The following ASS1 variants were observed in gnomAD, a reference collection of about 807,000 sequenced individuals.
ASS1 encodes argininosuccinate synthase 1.
ASS1 carries 58 observed loss-of-function variants against 60.5 expected under a neutral mutation model. The observed-to-expected ratio is 0.96, with a 90% CI of 0.78 to 1.19. The LOEUF (loss-of-function observed/expected upper bound fraction) is 1.19, where lower values mean the gene tolerates loss of function less well. ASS1 is among the 50% of genes most tolerant of loss of function. The pLI, the probability that ASS1 is intolerant of heterozygous loss-of-function variation, is 0.00. For synonymous variants in ASS1, 200 were observed against 206.9 expected, an observed-to-expected ratio of 0.97 and a Z score of 0.29; for missense variants, 454 against 547.3, an observed-to-expected ratio of 0.83 and a Z score of 1.70.
intron 9 of ASS1, among the ~76,000 whole-genome samples, chr9:130,479,436 C>T (rs1023964519): frequency 8.2e-4 from 125 of 152,240 alleles, no homozygotes; most frequent in African/African-American, 2.9e-3. Flanking sequence ...GGGCCTGGTT[C>T]CAATTTCACA....
intron 1 of ASS1, among the ~76,000 whole-genome samples, chr9:130,451,119 A>T (rs968319075): frequency 6.6e-6 from 1 of 152,162 alleles, no homozygotes. Context: ...CACAGGAGGC[A>T]TGTGGGGGAG....
At chr9:130,480,940 C>T (rs979815998) in intron 11 of ASS1, among the ~76,000 whole-genome samples, 5 of 152,256 alleles carry the variant, frequency 3.3e-5, no homozygotes, top group African/African-American at 7.2e-5. Flanking sequence ...GCACGGCTCA[C>T]TGGCCCTTTT....
At chr9:130,495,434 C>T (rs1263890258) in intron 13 of ASS1, among the ~76,000 whole-genome samples, 1 of 146,374 alleles carries the variant, frequency 6.8e-6, no homozygotes, top group Admixed American at 7.2e-5. Context: ...TATATATACA[C>T]ACACACATAC....
chr9:130,475,245 T>C (rs546509696), intron 8 of ASS1, among the ~76,000 whole-genome samples: 2 of 152,332 alleles, frequency 1.3e-5, no homozygotes, highest in Non-Finnish European at 2.9e-5. Context: ...GCCGAGCATG[T>C]ACCCCCAGAG....
At chr9:130,468,888 T>G (rs1175321940) in intron 6 of ASS1, among the ~76,000 whole-genome samples, 4 of 152,242 alleles carry the variant, frequency 2.6e-5, no homozygotes, top group Non-Finnish European at 4.4e-5. Context: ...TTGTTTTTTC[T>G]CCTCAATTAC....
In ASS1 at chr9:130,478,386, C is replaced by T. The variant is rs1846075510; in HGVS notation, c.689-1330C>T. Reference sequence around the variant, plus strand: ...GTGAGGGTGGGAGGCGGGTGGCAGGCTGCGGAGGGTCCTGGGCACCAGGCT... The same window carrying T: ...GTGAGGGTGGGAGGCGGGTGGCAGGTTGCGGAGGGTCCTGGGCACCAGGCT... On this transcript the variant is annotated intron_variant, in intron 9 of 14. Transcript: ENST00000352480. The surrounding 1 kb of genome is among the most constrained non-coding windows in gnomAD (Gnocchi z 4.7). 6.6e-6 allele frequency among the ~76,000 whole-genome samples: 1 copy of T among 152,090 alleles called. No homozygotes were observed. Among genetic ancestry groups the T allele is most frequent in the African/African-American group, 2.4e-5 (1 of 41,408 alleles).
intron 1 of ASS1, 168 bp from the exon 2 acceptor site, chr9:130,452,056 G>C (rs757576897): frequency 1.4e-6 from 1 of 704,122 alleles, no homozygotes; most frequent in Admixed American, 2.0e-5. Context: ...CAGGGTTCCC[G>C]GGGGTGGCAG....
At position 130,477,290 on chromosome 9, in the gene ASS1, T is replaced by C. The variant is rs1395057422; in HGVS notation, c.688+329T>C. ...CAGTTTCCTCAGCTGTATCTGAGGA[T>C]GAAAGAGTGCCTGCTGTTTTCCTGG... On this transcript the variant is annotated intron_variant, in intron 9 of 14. Transcript: ENST00000352480. The surrounding 1 kb of genome is among the most constrained non-coding windows in gnomAD (Gnocchi z 4.2). 6.6e-6 allele frequency among the ~76,000 whole-genome samples: 1 copy of C among 152,130 alleles called. No individual in the cohort carries two copies. The highest frequency in any genetic ancestry group is 1.5e-5 in the Non-Finnish European group (1 of 68,028).
chr9:130,479,899 G>C, intron 10 of ASS1, 99 bp downstream of exon 10: 1 of 1,336,376 alleles, frequency 7.5e-7, no homozygotes, highest in Non-Finnish European at 1.1e-6. Flanking sequence ...GAGGCTCAGG[G>C]GTGCGGAGCA....
intron 5 of ASS1, chr9:130,466,416 C>G (rs1285030785): frequency 4.3e-6 from 2 of 466,620 alleles, no homozygotes; most frequent in Non-Finnish European, 8.0e-6. Context: ...ACCATGAACC[C>G]CGTCTAGTTC....
At chr9:130,484,013 G>A (rs1420908478) in intron 11 of ASS1, among the ~76,000 whole-genome samples, 1 of 152,124 alleles carries the variant, frequency 6.6e-6, no homozygotes, top group African/African-American at 2.4e-5. Flanking sequence ...GAAGCAAAAA[G>A]GTTTTCAGCC....
chr9:130,466,642 G>T, intron 5 of ASS1, 83 bp from the exon 6 acceptor site: 2 of 1,400,318 alleles, frequency 1.4e-6, no homozygotes, highest in South Asian at 2.3e-5. Flanking sequence ...GCCCCTCCCA[G>T]GAGAGGCCAG....
chr9:130,451,529 G>T, intron 1 of ASS1: 1 of 329,968 alleles, frequency 3.0e-6, no homozygotes, highest in Admixed American at 4.3e-5. Context: ...GCCAGTGAAG[G>T]TTCCATGGGG....
At chr9:130,464,539 C>A (rs189557874) in intron 5 of ASS1, among the ~76,000 whole-genome samples, 1 of 152,142 alleles carries the variant, frequency 6.6e-6, no homozygotes. Flanking sequence ...GGCTCTGAAA[C>A]GTGGTTGCTG....
At chr9:130,480,531 G>C (rs572649733) in intron 11 of ASS1, 82 bp downstream of exon 11, 3 of 1,471,070 alleles carry the variant, frequency 2.0e-6, no homozygotes, top group African/African-American at 2.8e-5. Flanking sequence ...CCCTTTGGAC[G>C]CTACTACCCC....
At chr9:130,462,984 C>CT (rs1410065269) in intron 4 of ASS1, among the ~76,000 whole-genome samples, 1 of 152,206 alleles carries the variant, frequency 6.6e-6, no homozygotes, top group Non-Finnish European at 1.5e-5. Context: ...GGGGGCCTCT[C>CT]TGAGTGACAG....
intron 11 of ASS1, among the ~76,000 whole-genome samples, chr9:130,486,767 G>A (rs1846314463): frequency 6.6e-6 from 1 of 152,202 alleles, no homozygotes; most frequent in African/African-American, 2.4e-5. Context: ...GCTTTCACAA[G>A]CATGTCACCT....
At position 130,478,844 on chromosome 9, in the gene ASS1, C is replaced by A. The variant is rs997999802; in HGVS notation, c.689-872C>A. Among the ~76,000 whole-genome samples the A allele has an allele frequency of 6.6e-6, 1 of 152,266 alleles. No homozygotes were observed. ...GGGTTAAGAATGGCGAGGCTGACAG[C>A]GCCTTGAGTGAAGCCCCTCCAAGCG... On this transcript the variant is annotated intron_variant, in intron 9 of 14. Coordinates refer to ENST00000352480, the MANE Select transcript of ASS1 (RefSeq NM_054012.4). This position sits in a 1 kb window ranked among gnomAD's most constrained non-coding sequence, Gnocchi z 4.7.
At position 130,500,990 on chromosome 9, in the gene ASS1, A is replaced by G. The variant is rs964964749; in HGVS notation, c.1208A>G (p.His403Arg). 3.7e-6 allele frequency: 6 copies of G among 1,613,660 alleles called. No individual in the cohort carries two copies. The highest frequency in any genetic ancestry group is 1.6e-4 in the Middle Eastern group (1 of 6,082). The change falls in exon 15 of 15, where the codon CAT (histidine) becomes CGT (arginine). Residue 403 changes from histidine (H) to arginine (R), a missense_variant. By Grantham distance (29) the His-to-Arg change is conservative. Coordinates refer to ENST00000352480, the MANE Select transcript of ASS1 (RefSeq NM_054012.4). ...NINSLRLKEY[H>R]RLQSKVTAK The stretch of plus-strand genomic sequence containing the variant: ...CTGGTTTACAGGCTGAAGGAATATC[A>G]TCGTCTCCAGAGCAAGGTCACTGCC...
Sources: gnomAD v4.1 joint callset for allele counts (sites outside exome capture counted in the v4.1 genomes callset) on GRCh38, gnomAD v4.1.1 for gene constraint, Gnocchi (gnomAD v3.1) non-coding constraint, MANE v1.5 for transcripts, NCBI Gene and HGNC (gene_info 2026-07-23, HGNC 2026-07-21) for gene names.